The following EPHA6 variants were observed in gnomAD, a reference collection of about 807,000 sequenced individuals.
EPHA6 encodes the protein ephrin type-A receptor 6.
Under a neutral mutation model 112.0 loss-of-function variants are expected in EPHA6, and 50 were observed. The observed-to-expected ratio is 0.45, with a 90% CI of 0.36 to 0.56. The LOEUF (loss-of-function observed/expected upper bound fraction) is 0.56. Among genes scored for constraint, EPHA6 ranks in the 20% least tolerant of loss-of-function variants. The pLI is 0.00. For missense variants in EPHA6, 1,280 were observed against 1,417.4 expected (o/e 0.90, Z 1.56); for synonymous variants, 529 against 490.7 (o/e 1.08, Z -1.03).
intron 3 of EPHA6, among the ~76,000 whole-genome samples, chr3:97,209,498 G>T (rs557140111): frequency 2.0e-5 from 3 of 152,198 alleles, no homozygotes; most frequent in Admixed American, 2.0e-4. Context: ...TTGGCTTTTT[G>T]TAAGACTTAA....
At chr3:97,009,891 C>T (rs567312114) in intron 3 of EPHA6, 3 of 436,190 alleles carry the variant, frequency 6.9e-6, no homozygotes, top group South Asian at 5.0e-5. Context: ...TCTGCTCTTC[C>T]TTCTCTCCAT....
intron 3 of EPHA6, among the ~76,000 whole-genome samples, chr3:97,037,847 G>A (rs987296427): frequency 1.3e-5 from 2 of 152,040 alleles, no homozygotes; most frequent in Non-Finnish European, 2.9e-5. Context: ...GTTTGCAGAA[G>A]CATTGAATGT....
At chr3:97,495,163 T>C (rs751436806) in intron 10 of EPHA6, among the ~76,000 whole-genome samples, 4 of 152,144 alleles carry the variant, frequency 2.6e-5, no homozygotes, top group Non-Finnish European at 4.4e-5. Flanking sequence ...CAGAGGAGTT[T>C]CTATTAAGCC....
chr3:97,068,023 C>T (rs2046231644), intron 3 of EPHA6, among the ~76,000 whole-genome samples: 1 of 151,592 alleles, frequency 6.6e-6, no homozygotes, highest in Non-Finnish European at 1.5e-5. Flanking sequence ...CACATGGTTA[C>T]TCAGTGGCTG....
At chr3:97,423,525 T>C (rs972443854) in intron 6 of EPHA6, among the ~76,000 whole-genome samples, 2 of 152,090 alleles carry the variant, frequency 1.3e-5, no homozygotes, top group Non-Finnish European at 2.9e-5. Context: ...ATGGAAAAAC[T>C]ATTCATGTAC....
At chr3:97,666,802 C>A (rs528233697) in intron 14 of EPHA6, among the ~76,000 whole-genome samples, 1 of 152,304 alleles carries the variant, frequency 6.6e-6, no homozygotes, top group Non-Finnish European at 1.5e-5. Context: ...TGTCTGAGAT[C>A]AGAACCAATG....
chr3:97,288,311 C>T (rs1156506738), intron 5 of EPHA6, among the ~76,000 whole-genome samples: 1 of 152,066 alleles, frequency 6.6e-6, no homozygotes, highest in Non-Finnish European at 1.5e-5. Context: ...CTTTTAGCTC[C>T]CACTTAAAAA....
At chr3:97,182,797 T>A (rs2077026233) in intron 3 of EPHA6, among the ~76,000 whole-genome samples, 1 of 151,974 alleles carries the variant, frequency 6.6e-6, no homozygotes, top group Non-Finnish European at 1.5e-5. Context: ...GTAGAACTAG[T>A]TCAGTATGTT....
At chr3:97,169,914 T>C (rs2108423479) in intron 3 of EPHA6, among the ~76,000 whole-genome samples, 1 of 152,172 alleles carries the variant, frequency 6.6e-6, no homozygotes, top group African/African-American at 2.4e-5. Flanking sequence ...AGTTGAACAA[T>C]GAGCATGCAT....
intron 12 of EPHA6, among the ~76,000 whole-genome samples, chr3:97,604,379 C>T (rs1347751531): frequency 6.6e-6 from 1 of 151,624 alleles, no homozygotes; most frequent in Non-Finnish European, 1.5e-5. Context: ...AGTGCTAAAA[C>T]TGGAAGTTTA....
chr3:97,251,507 G>A (rs1167071668), intron 5 of EPHA6, among the ~76,000 whole-genome samples: 1 of 151,796 alleles, frequency 6.6e-6, no homozygotes, highest in Admixed American at 6.6e-5. Flanking sequence ...TCCAGCCGAC[G>A]ACAGAGGGAG....
intron 2 of EPHA6, among the ~76,000 whole-genome samples, chr3:96,967,864 TAGAC>T (rs749275626): frequency 6.6e-6 from 1 of 151,898 alleles, no homozygotes; most frequent in Non-Finnish European, 1.5e-5. Context: ...AGCTAACATG[TAGAC>T]GGCAGTTGGA....
At chr3:97,283,411 TA>T (rs1314089623) in intron 5 of EPHA6, among the ~76,000 whole-genome samples, 2 of 152,326 alleles carry the variant, frequency 1.3e-5, no homozygotes, top group East Asian at 3.9e-4. Context: ...TTCTTTTATA[TA>T]TTTTTTGAAC....
chr3:97,535,348 T>C (rs1020647133), intron 11 of EPHA6, among the ~76,000 whole-genome samples: 1 of 152,084 alleles, frequency 6.6e-6, no homozygotes, highest in Admixed American at 6.6e-5. Flanking sequence ...ATATCTGTTA[T>C]AGGAAAACGG....
chr3:97,595,272 T>C (rs1433748654), intron 12 of EPHA6, among the ~76,000 whole-genome samples: 1 of 152,158 alleles, frequency 6.6e-6, no homozygotes, highest in Non-Finnish European at 1.5e-5. Flanking sequence ...CACCAGGAAG[T>C]ATTAGCTGAA....
chr3:97,213,942 G>T (rs1244130100), intron 3 of EPHA6, among the ~76,000 whole-genome samples: 1 of 151,194 alleles, frequency 6.6e-6, no homozygotes, highest in African/African-American at 2.4e-5. Context: ...GTAAGAAATT[G>T]GAATTAGTAC....
At chr3:97,378,780 A>G (rs2085534990) in intron 5 of EPHA6, among the ~76,000 whole-genome samples, 1 of 152,114 alleles carries the variant, frequency 6.6e-6, no homozygotes, top group Non-Finnish European at 1.5e-5. Context: ...CCCATGTAGA[A>G]CGGCTGTATT....
At chr3:97,186,448 A>G (rs1194509627) in intron 3 of EPHA6, among the ~76,000 whole-genome samples, 1 of 152,164 alleles carries the variant, frequency 6.6e-6, no homozygotes, top group Non-Finnish European at 1.5e-5. Context: ...TTGTTGAGAT[A>G]TGCCCCTCTC....
chr3:96,837,756 TAAAAC>T (rs1263013320), intron 1 of EPHA6, among the ~76,000 whole-genome samples: 6 of 152,116 alleles, frequency 3.9e-5, no homozygotes, highest in South Asian at 2.1e-4. Context: ...AAATCAAAAT[TAAAAC>T]AAAATATAAG....
Sources: allele counts gnomAD v4.1 joint callset (sites outside exome capture counted in the v4.1 genomes callset), GRCh38; gene constraint gnomAD v4.1.1; transcripts MANE v1.5; gene names NCBI Gene and HGNC (gene_info 2026-07-23, HGNC 2026-07-21).